Variants in UIMC1 observed in about 807,000 individuals in gnomAD.
UIMC1 encodes ubiquitin interaction motif containing 1.
UIMC1 carries 42 observed loss-of-function variants against 84.9 expected under a neutral mutation model. The observed-to-expected ratio is 0.49, with a 90% CI of 0.39 to 0.64. UIMC1 has a LOEUF of 0.64. UIMC1 is among the 30% of genes least tolerant of loss of function. The probability of loss-of-function intolerance (pLI) is 0.00; values close to 1 mark genes in which losing one functional copy is unlikely to be tolerated. For missense variants in UIMC1, 825 were observed against 847.6 expected (o/e 0.97, Z 0.33); for synonymous variants, 281 against 293.0 (o/e 0.96, Z 0.42).
In UIMC1 at chr5:176,943,315, C is replaced by T. The variant is rs376298872; in HGVS notation, c.1597+20G>A. The T allele has an allele frequency of 9.3e-6, 15 of 1,608,694 alleles. No individual in the cohort carries two copies. Among genetic ancestry groups the T allele is most frequent in the Non-Finnish European group, 1.3e-5 (15 of 1,177,780 alleles). ...ACCACACAAAAAAGTAAGAGTTTGG[C>T]TGTCCTGCTGGGTCTTTACCTGTAT... On this transcript the variant is annotated intron_variant, in intron 10 of 14. Coordinates refer to ENST00000511320, the MANE Select transcript of UIMC1 (RefSeq NM_001199298.2).
chr5:176,990,342 CTT>C (rs1320189840), intron 1 of UIMC1, among the ~76,000 whole-genome samples: 1 of 152,060 alleles, frequency 6.6e-6, no homozygotes, highest in African/African-American at 2.4e-5. Flanking sequence ...AAGGTCCCAT[CTT>C]TTAAGCACAG....
rs113709386 is a variant in UIMC1 at position 176,907,152 on chromosome 5, A to G, written c.1874T>C (p.Leu625Pro). ...PKEKGHSEGR[L>P]LSFLEQSEHK... ...CTCAGACTGTTCCAAGAAACTAAGG[A>G]GTCGGCCTTCACTGTGGCCTTTTTC... Residue 625 changes from leucine to proline, a missense_variant, in exon 13 of 15, where the codon CTC becomes CCC. Coordinates refer to ENST00000511320, the MANE Select transcript of UIMC1 (RefSeq NM_001199298.2). The G allele has an allele frequency of 3.7e-6, 6 of 1,613,886 alleles. No individual in the cohort carries two copies. The highest frequency in any genetic ancestry group is 5.1e-6 in the Non-Finnish European group (6 of 1,179,862).
intron 1 of UIMC1, among the ~76,000 whole-genome samples, chr5:177,017,376 G>A (rs1231038764): frequency 6.6e-6 from 1 of 152,092 alleles, no homozygotes; most frequent in Non-Finnish European, 1.5e-5. Flanking sequence ...ACTAGCCTTG[G>A]CTGTCATCTC....
chr5:176,946,123 G>C (rs1213276227), intron 9 of UIMC1, among the ~76,000 whole-genome samples: 3 of 152,118 alleles, frequency 2.0e-5, no homozygotes. Flanking sequence ...TATATTCAGT[G>C]CATTGTTGGC....
intron 1 of UIMC1, among the ~76,000 whole-genome samples, chr5:177,017,021 C>T (rs1775688166): frequency 6.6e-6 from 1 of 151,970 alleles, no homozygotes; most frequent in Non-Finnish European, 1.5e-5. Context: ...GAACCTCTGT[C>T]AAAATAATGA....
At chr5:176,955,798 C>A (rs922350735) in intron 8 of UIMC1, among the ~76,000 whole-genome samples, 161 bp downstream of exon 8, 5 of 152,122 alleles carry the variant, frequency 3.3e-5, no homozygotes, top group African/African-American at 1.2e-4. Context: ...ATTAAAAACA[C>A]CTATATGTGT....
intron 1 of UIMC1, among the ~76,000 whole-genome samples, chr5:176,997,942 A>G (rs1214561205): frequency 6.6e-6 from 1 of 152,138 alleles, no homozygotes; most frequent in Non-Finnish European, 1.5e-5. Context: ...CTCATCCTTC[A>G]GAAGAATAAC....
upstream of UIMC1, among the ~76,000 whole-genome samples, chr5:177,007,842 C>A (rs138221708): frequency 6.6e-6 from 1 of 152,080 alleles, no homozygotes; most frequent in Non-Finnish European, 1.5e-5. Context: ...TGGTGGATCA[C>A]GCCTGTAATC....
At chr5:176,988,621 T>C (rs1013339354) in intron 1 of UIMC1, among the ~76,000 whole-genome samples, 5 of 152,034 alleles carry the variant, frequency 3.3e-5, no homozygotes, top group African/African-American at 7.3e-5. Context: ...TGTGAATTTA[T>C]TAAAAGCCAC....
At chr5:176,995,436 T>A (rs1561910375) in intron 1 of UIMC1, among the ~76,000 whole-genome samples, 1 of 149,674 alleles carries the variant, frequency 6.7e-6, no homozygotes, top group African/African-American at 2.5e-5. Flanking sequence ...GTAATTCCAG[T>A]TACTCAGGAG....
At chr5:176,936,092 G>A (rs150883960) in intron 10 of UIMC1, among the ~76,000 whole-genome samples, 1 of 152,068 alleles carries the variant, frequency 6.6e-6, no homozygotes, top group Non-Finnish European at 1.5e-5. Context: ...TACCCAACTA[G>A]TGGCTTATCT....
intron 1 of UIMC1, among the ~76,000 whole-genome samples, chr5:177,020,378 T>A (rs1170885507): frequency 6.6e-6 from 1 of 152,226 alleles, no homozygotes; most frequent in Non-Finnish European, 1.5e-5. Flanking sequence ...TCCTAACACA[T>A]CATTCACCTG....
Position 176,968,915 on chromosome 5 carries a change from A to AG in UIMC1, c.839_840insC (p.Pro281SerfsTer5). The AG allele has an allele frequency of 6.2e-7, 1 of 1,614,138 alleles. No individual in the cohort carries two copies. Among genetic ancestry groups the AG allele is most frequent in the Non-Finnish European group, 8.5e-7 (1 of 1,180,006 alleles). ...GGTCTACTCCATCAGGGCAGAATGG[A>AG]ATACCCCAGAAATAGTTCACAGTGC... On this transcript the variant is annotated frameshift_variant, in exon 6 of 15. Coordinates refer to ENST00000511320, the MANE Select transcript of UIMC1 (RefSeq NM_001199298.2). LOFTEE classifies it high-confidence loss of function.
At chr5:176,968,301 G>A (rs1363725681) in intron 6 of UIMC1, among the ~76,000 whole-genome samples, 1 of 151,886 alleles carries the variant, frequency 6.6e-6, no homozygotes, top group Non-Finnish European at 1.5e-5. Context: ...GAACCCGGGA[G>A]GTGGAGATTG....
chr5:176,997,952 C>T (rs1773876994), intron 1 of UIMC1, among the ~76,000 whole-genome samples: 1 of 152,096 alleles, frequency 6.6e-6, no homozygotes, highest in African/African-American at 2.4e-5. Flanking sequence ...AGAAGAATAA[C>T]TTTCTCAGAG....
At chr5:176,932,360 A>G (rs1763198863) in intron 10 of UIMC1, among the ~76,000 whole-genome samples, 1 of 152,244 alleles carries the variant, frequency 6.6e-6, no homozygotes, top group African/African-American at 2.4e-5. Flanking sequence ...CACAGCAAGG[A>G]AAAAGAATTA....
At chr5:176,919,584 G>T (rs1761447490) in intron 10 of UIMC1, among the ~76,000 whole-genome samples, 1 of 152,166 alleles carries the variant, frequency 6.6e-6, no homozygotes, top group Non-Finnish European at 1.5e-5. Context: ...CTCCCAAGTA[G>T]ATGGGACTTA....
chr5:176,984,434 C>T (rs1389625424), intron 1 of UIMC1, among the ~76,000 whole-genome samples: 43 of 133,860 alleles, frequency 3.2e-4, no homozygotes, highest in Non-Finnish European at 5.4e-4. Context: ...AAGTGGGGAG[C>T]GCCTCTGCCC....
In UIMC1 at chr5:176,982,389, A is replaced by T; in HGVS notation, c.147+80T>A. 2.0e-6 allele frequency: 3 copies of T among 1,494,954 alleles called. No individual in the cohort carries two copies. In the South Asian group the frequency reaches 4.0e-5, roughly 20 times the overall value. 92.6% of individuals were successfully genotyped at this position (1,494,954 alleles called of 1,614,324 possible). A position where few individuals can be genotyped will look rare whatever the true frequency, so the allele number is the denominator to read the frequency against. On this transcript the variant is annotated intron_variant, in intron 2 of 14. Transcript: ENST00000511320. ...GGTGAGCTGGCATTAAGGTGAAGTC[A>T]GTCACGAAACAAACTCCCCATGGGT...
Sources: gnomAD v4.1 joint callset for allele counts (sites outside exome capture counted in the v4.1 genomes callset) on GRCh38, gnomAD v4.1.1 for gene constraint, MANE v1.5 for transcripts, NCBI Gene and HGNC (gene_info 2026-07-23, HGNC 2026-07-21) for gene names.